C20orf202: variants seen among roughly 807,000 people sequenced by gnomAD.
C20orf202 encodes chromosome 20 open reading frame 202, also known as uncharacterized protein C20orf202.
A neutral mutation model predicts 5.3 loss-of-function variants in C20orf202; 5 were observed. The ratio of observed to expected loss-of-function variants is 0.94; its 90% CI spans 0.49 to 1.98. The LOEUF (loss-of-function observed/expected upper bound fraction) is 1.98, where lower values mean the gene tolerates loss of function less well. Among genes scored for constraint, C20orf202 ranks in the 30% most tolerant of loss-of-function variants. The pLI is 0.01. For missense variants in C20orf202, 135 were observed against 123.5 expected, an observed-to-expected ratio of 1.09 and a Z score of -0.44; for synonymous variants, 48 against 50.0, an observed-to-expected ratio of 0.96 and a Z score of 0.16.
At chr20:1,205,314 G>A (rs2087127224) in intron 1 of C20orf202, among the ~76,000 whole-genome samples, 1 of 151,952 alleles carries the variant, frequency 6.6e-6, no homozygotes, top group Non-Finnish European at 1.5e-5. Context: ...CACCATGTTG[G>A]CCAGGCTGGT....
At chr20:1,204,842 C>A (rs1424928594) in intron 1 of C20orf202, among the ~76,000 whole-genome samples, 1 of 152,212 alleles carries the variant, frequency 6.6e-6, no homozygotes, top group African/African-American at 2.4e-5. Context: ...AGGCATCCAG[C>A]ACTGGGCAGC....
chr20:1,204,630 G>A (rs1246838127), intron 1 of C20orf202, among the ~76,000 whole-genome samples: 2 of 152,246 alleles, frequency 1.3e-5, no homozygotes, highest in African/African-American at 4.8e-5. Flanking sequence ...AACCTCAGAA[G>A]AGGTTTGTTT....
At position 1,203,558 on chromosome 20, in the gene C20orf202, T is replaced by G; in HGVS notation, c.-28T>G. ...TCCCTCGGGCCCAGAACCAGGTCAGTGTCAAGGTCACTCCTAAGAACACTG... is the reference window on the plus strand; with the variant it reads ...TCCCTCGGGCCCAGAACCAGGTCAGGGTCAAGGTCACTCCTAAGAACACTG... On this transcript the variant is annotated 5_prime_UTR_variant, in exon 1 of 2. Transcript: ENST00000400633. 6.4e-7 allele frequency: 1 copy of G among 1,551,562 alleles called. No individual in the cohort carries two copies. Among genetic ancestry groups the G allele is most frequent in the Non-Finnish European group, 8.7e-7 (1 of 1,146,926 alleles).
In C20orf202 at chr20:1,207,228, C is replaced by T; in HGVS notation, c.*126C>T. The stretch of plus-strand genomic sequence containing the variant: ...AGGGCTCTGGGTTCATTTCTGCCCT[C>T]ATCTGCTGTGCATCCCTGGATCTGT... On this transcript the variant is annotated 3_prime_UTR_variant, in exon 2 of 2. Coordinates refer to ENST00000400633, the MANE Select transcript of C20orf202 (RefSeq NM_001394958.1). The T allele has an allele frequency of 1.6e-6, 1 of 615,104 alleles. No individual in the cohort carries two copies. The highest frequency in any genetic ancestry group is 2.7e-6 in the Non-Finnish European group (1 of 366,476). 38.1% of individuals were successfully genotyped at this position (615,104 alleles called of 1,614,324 possible). A position where few individuals can be genotyped will look rare whatever the true frequency, so the allele number is the denominator to read the frequency against.
Position 1,207,089 on chromosome 20 carries a change from G to C in C20orf202, c.287G>C (p.Ser96Thr), listed in dbSNP as rs1385403411. 3.3e-6 allele frequency: 5 copies of C among 1,505,154 alleles called. No homozygotes were observed. The highest frequency in any genetic ancestry group is 4.5e-6 in the Non-Finnish European group (5 of 1,118,750). 93.2% of individuals were successfully genotyped at this position (1,505,154 alleles called of 1,614,324 possible). A position where few individuals can be genotyped will look rare whatever the true frequency, so the allele number is the denominator to read the frequency against. Reference protein sequence around the residue: ...QLLRGEDSRRSSLP With the variant: ...QLLRGEDSRRTSLP ...CTCCGAGGGGAAGACAGCAGACGAA[G>C]CTCTCTCCCTTAACTGGACGGAGAT... The change falls in exon 2 of 2, where the codon AGC (serine) becomes ACC (threonine). Residue 96 changes from serine to threonine, a missense_variant. Coordinates refer to ENST00000400633, the MANE Select transcript of C20orf202 (RefSeq NM_001394958.1).
rs1474634256 is a variant in C20orf202 at position 1,203,579 on chromosome 20, C to T, written c.-7C>T. On this transcript the variant is annotated 5_prime_UTR_variant, in exon 1 of 2. Coordinates refer to ENST00000400633, the MANE Select transcript of C20orf202 (RefSeq NM_001394958.1). ...TCAGTGTCAAGGTCACTCCTAAGAACACTGAGATGAAAATAGCAGAAGAGC... is the reference window on the plus strand; with the variant it reads ...TCAGTGTCAAGGTCACTCCTAAGAATACTGAGATGAAAATAGCAGAAGAGC... 1.9e-6 allele frequency: 3 copies of T among 1,551,662 alleles called. No homozygotes were observed. Among genetic ancestry groups the T allele is most frequent in the East Asian group, 4.9e-5 (2 of 40,914 alleles).
intron 1 of C20orf202, among the ~76,000 whole-genome samples, chr20:1,205,257 C>T (rs969503717): frequency 1.6e-4 from 24 of 152,192 alleles, no homozygotes; most frequent in Admixed American, 1.4e-3. Flanking sequence ...AGGCGCATGC[C>T]ACCACGGCTG....
rs73577468 is a variant in C20orf202 at position 1,203,754 on chromosome 20, C to T, written c.66+103C>T. 2.7e-3 allele frequency: 3,442 copies of T among 1,287,884 alleles called. 67 individuals carry two copies. The African/African-American group carries it at 0.042, about 16-fold the overall frequency. The allele number at this position is 1,287,884 out of a possible 1,614,324, so 79.8% of individuals were successfully genotyped here. ...CCCCTGGGGCAGAGGCTGCAGGCTA[C>T]GGTATGGACCCTGCAGTCTCCCCTC... On this transcript the variant is annotated intron_variant, in intron 1 of 1. Transcript: ENST00000400633.
At chr20:1,204,750 C>G (rs1342372687) in intron 1 of C20orf202, among the ~76,000 whole-genome samples, 1 of 152,200 alleles carries the variant, frequency 6.6e-6, no homozygotes, top group African/African-American at 2.4e-5. Flanking sequence ...TGTCATCACC[C>G]CAGAGGAAGG....
At chr20:1,206,070 T>C (rs1017577007) in intron 1 of C20orf202, among the ~76,000 whole-genome samples, 25 of 151,056 alleles carry the variant, frequency 1.7e-4, no homozygotes, top group African/African-American at 6.1e-4. Flanking sequence ...AATAAATAAA[T>C]AAATAAACAG....
At position 1,207,208 on chromosome 20, in the gene C20orf202, T is replaced by C; in HGVS notation, c.*106T>C. Reference sequence around the variant, plus strand: ...GGAATGGGAGTCAGAAAGCCAGGGCTCTGGGTTCATTTCTGCCCTCATCTG... The same window carrying C: ...GGAATGGGAGTCAGAAAGCCAGGGCCCTGGGTTCATTTCTGCCCTCATCTG... On this transcript the variant is annotated 3_prime_UTR_variant, in exon 2 of 2. Transcript: ENST00000400633. 1 of 792,114 alleles carries C rather than the reference T, an allele frequency of 1.3e-6. No homozygotes were observed. The highest frequency in any genetic ancestry group is 1.9e-6 in the Non-Finnish European group (1 of 518,566). The allele number at this position is 792,114 out of a possible 1,614,324, so 49.1% of individuals were successfully genotyped here. A position where few individuals can be genotyped will look rare whatever the true frequency, so the allele number is the denominator to read the frequency against.
rs2087142162 is a variant in C20orf202 at position 1,208,445 on chromosome 20, T to C, written c.*1343T>C. 6.6e-6 allele frequency among the ~76,000 whole-genome samples: 1 copy of C among 152,162 alleles called. No homozygotes were observed. Among genetic ancestry groups the C allele is most frequent in the Non-Finnish European group, 1.5e-5 (1 of 68,032 alleles). ...TCAGATCAACCTGTGATTTTTGTAT[T>C]TGGTAATATAAATGATACCTGCTCT... is the stretch of plus-strand genomic sequence containing the variant. On this transcript the variant is annotated 3_prime_UTR_variant, in exon 2 of 2. Transcript: ENST00000400633.
Position 1,207,230 on chromosome 20 carries a change from T to C in C20orf202, c.*128T>C. 1.7e-6 allele frequency: 1 copy of C among 604,438 alleles called. No homozygotes were observed. The highest frequency in any genetic ancestry group is 2.8e-6 in the Non-Finnish European group (1 of 355,976). The allele number at this position is 604,438 out of a possible 1,614,324, so 37.4% of individuals were successfully genotyped here. ...GGCTCTGGGTTCATTTCTGCCCTCA[T>C]CTGCTGTGCATCCCTGGATCTGTCA... is the stretch of plus-strand genomic sequence containing the variant. On this transcript the variant is annotated 3_prime_UTR_variant, in exon 2 of 2. Coordinates refer to ENST00000400633, the MANE Select transcript of C20orf202 (RefSeq NM_001394958.1).
At chr20:1,203,974 A>G (rs1197776566) in intron 1 of C20orf202, among the ~76,000 whole-genome samples, 1 of 152,092 alleles carries the variant, frequency 6.6e-6, no homozygotes, top group African/African-American at 2.4e-5. Context: ...CTTATCACAA[A>G]ATGGGAATAA....
At position 1,207,033 on chromosome 20, in the gene C20orf202, G is replaced by A. The variant is rs769846460; in HGVS notation, c.231G>A (p.Gln77=). 1.9e-5 allele frequency: 30 copies of A among 1,549,740 alleles called. No individual in the cohort carries two copies. The highest frequency in any genetic ancestry group is 2.6e-5 in the Non-Finnish European group (30 of 1,145,680). ...ARAGSEGRGC[Q]PVCSRGLAQL... is the part of the protein sequence containing the mutation. ...CGGGCTCCGAAGGCAGGGGCTGCCA[G>A]CCGGTTTGCTCAAGGGGTCTGGCCC... The change falls in exon 2 of 2, where the codon CAG becomes CAA. Residue 77 remains glutamine, a synonymous_variant. Coordinates refer to ENST00000400633, the MANE Select transcript of C20orf202 (RefSeq NM_001394958.1).
Position 1,203,489 on chromosome 20 carries a change from C to G in C20orf202, c.-97C>G. On this transcript the variant is annotated 5_prime_UTR_variant, in exon 1 of 2. Transcript: ENST00000400633. Reference sequence around the variant, plus strand: ...CCATCTTCAGTGATTTGGCCAGAACCTGCTGCCAGTCTGAAAGAGTTGGGG... The same window carrying G: ...CCATCTTCAGTGATTTGGCCAGAACGTGCTGCCAGTCTGAAAGAGTTGGGG... The G allele has an allele frequency of 2.0e-6, 3 of 1,524,656 alleles. No homozygotes were observed. The highest frequency in any genetic ancestry group is 2.6e-6 in the Non-Finnish European group (3 of 1,133,554). The allele number at this position is 1,524,656 out of a possible 1,614,324, so 94.4% of individuals were successfully genotyped here.
intron 1 of C20orf202, 80 bp from the exon 2 acceptor site, chr20:1,206,789 T>A (rs1415822631): frequency 2.1e-6 from 2 of 967,802 alleles, no homozygotes; most frequent in East Asian, 5.4e-5. Context: ...TGGTCTCCGA[T>A]GAGACAGCGA....
At chr20:1,203,861 T>C (rs1440650536) in intron 1 of C20orf202, among the ~76,000 whole-genome samples, 1 of 152,140 alleles carries the variant, frequency 6.6e-6, no homozygotes, top group Non-Finnish European at 1.5e-5. Flanking sequence ...GTGCTGGGTG[T>C]GGTGCTGGCC....
rs2087136807 is a variant in C20orf202, at chr20:1,207,272, C to T, written c.*170C>T. The T allele has an allele frequency of 2.1e-6, 1 of 484,134 alleles. No individual in the cohort carries two copies. Among genetic ancestry groups the T allele is most frequent in the Non-Finnish European group, 3.7e-6 (1 of 268,690 alleles). The allele number at this position is 484,134 out of a possible 1,614,324, so 30.0% of individuals were successfully genotyped here. On this transcript the variant is annotated 3_prime_UTR_variant, in exon 2 of 2. Coordinates refer to ENST00000400633, the MANE Select transcript of C20orf202 (RefSeq NM_001394958.1). ...GATCTGTCACTCAGCTTCTCTGTGT[C>T]TCTGGTTCCTTTTCTGTCACTTGGG...
Sources: allele counts gnomAD v4.1 joint callset (sites outside exome capture counted in the v4.1 genomes callset), GRCh38; gene constraint gnomAD v4.1.1; transcripts MANE v1.5; gene names NCBI Gene and HGNC (gene_info 2026-07-23, HGNC 2026-07-21).